The following ADAMTS14 variants were observed in gnomAD, a reference collection of about 807,000 sequenced individuals.
ADAMTS14 encodes the protein A disintegrin and metalloproteinase with thrombospondin motifs 14.
Under a neutral mutation model 128.6 loss-of-function variants are expected in ADAMTS14, and 100 were observed. The observed-to-expected ratio is 0.78, with a 90% CI of 0.66 to 0.92. ADAMTS14 has a LOEUF of 0.92. ADAMTS14 is among the 40% of genes least tolerant of loss of function. The pLI is 0.00. For missense variants in ADAMTS14, 1,562 were observed against 1,658.6 expected (o/e 0.94, Z 1.01); for synonymous variants, 665 against 653.8 (o/e 1.02, Z -0.26).
chr10:70,756,855 C>T (rs1324133141), intron 19 of ADAMTS14, among the ~76,000 whole-genome samples: 2 of 152,226 alleles, frequency 1.3e-5, no homozygotes, highest in African/African-American at 4.8e-5. Context: ...GGTCCCTCAA[C>T]TCTGATTTAG....
chr10:70,742,671 G>A (rs1466252820), intron 12 of ADAMTS14, among the ~76,000 whole-genome samples: 6 of 152,230 alleles, frequency 3.9e-5, no homozygotes, highest in African/African-American at 1.4e-4. Context: ...GGGGCTGGGA[G>A]GCCCGTGGGG....
At chr10:70,733,834 C>A in intron 7 of ADAMTS14, 51 bp from the exon 8 acceptor site, 5 of 1,565,718 alleles carry the variant, frequency 3.2e-6, no homozygotes, top group Non-Finnish European at 4.3e-6. Context: ...CCTGCCTTCC[C>A]GGGGCAGGCT....
intron 7 of ADAMTS14, among the ~76,000 whole-genome samples, chr10:70,732,578 G>A (rs937450547): frequency 2.0e-5 from 3 of 152,214 alleles, no homozygotes. Context: ...GTAGTAATTT[G>A]GGCCTGCCTT....
At chr10:70,681,632 G>A (rs568657415) in intron 2 of ADAMTS14, among the ~76,000 whole-genome samples, 1 of 152,160 alleles carries the variant, frequency 6.6e-6, no homozygotes. Context: ...TCCTTGCCCC[G>A]GGGGCTGCTC....
chr10:70,718,292 C>G (rs1336688792), intron 4 of ADAMTS14, among the ~76,000 whole-genome samples: 3 of 152,060 alleles, frequency 2.0e-5, no homozygotes, highest in African/African-American at 7.2e-5. Context: ...TATGTCTCTT[C>G]CCCAAAACTG....
At chr10:70,732,562 G>T (rs1354660417) in intron 7 of ADAMTS14, among the ~76,000 whole-genome samples, 1 of 152,238 alleles carries the variant, frequency 6.6e-6, no homozygotes, top group African/African-American at 2.4e-5. Context: ...GAGCCAAGGG[G>T]CATGAGTAGT....
chr10:70,706,319 C>T (rs58433219), intron 3 of ADAMTS14, among the ~76,000 whole-genome samples: 6,896 of 152,288 alleles, frequency 0.045, 168 homozygotes, highest in East Asian at 0.083. Context: ...TGACCTAGGG[C>T]GAGTGGGGTA....
intron 5 of ADAMTS14, 72 bp downstream of exon 5, chr10:70,729,449 GGT>G (rs933808086): frequency 2.4e-6 from 3 of 1,270,120 alleles, no homozygotes. Flanking sequence ...GACCAGCAAT[GGT>G]GTGGGCTGCA....
Position 70,672,786 on chromosome 10 carries a change from C to G in ADAMTS14, c.-17C>G, listed in dbSNP as rs1839519448. On this transcript the variant is annotated 5_prime_UTR_variant, in exon 1 of 22. Transcript: ENST00000373207. ...GGGGATCGGGCGCTTGCCCAGCCCG[C>G]GTCCCAGCGCGGCCACATGGCTCCA... 6.7e-7 allele frequency: 1 copy of G among 1,498,102 alleles called. No individual in the cohort carries two copies. The highest frequency in any genetic ancestry group is 2.2e-5 in the Admixed American group (1 of 45,510). 92.8% of individuals were successfully genotyped at this position (1,498,102 alleles called of 1,614,324 possible).
chr10:70,729,343 C>A lies in ADAMTS14; in HGVS notation c.920C>A (p.Ala307Asp). 6.2e-7 allele frequency: 1 copy of A among 1,613,790 alleles called. No homozygotes were observed. The highest frequency in any genetic ancestry group is 8.5e-7 in the Non-Finnish European group (1 of 1,179,938). The change falls in exon 5 of 22, where the codon GCC becomes GAC. Residue 307 changes from alanine to aspartate, a missense_variant. Ala to Asp is a moderately radical substitution (Grantham distance 126). Transcript: ENST00000373207. ...DESLGVHINIALVRLIMVGYR... is the reference protein window; with the variant it reads ...DESLGVHINIDLVRLIMVGYR... ...TCCCTGGGGGTTCATATAAATATTG[C>A]CCTCGTCCGCTTGATCATGGTTGGC...
At chr10:70,698,247 T>C (rs1361651381) in intron 2 of ADAMTS14, among the ~76,000 whole-genome samples, 2 of 152,270 alleles carry the variant, frequency 1.3e-5, no homozygotes, top group African/African-American at 4.8e-5. Flanking sequence ...TTCTTGATTT[T>C]TTTATACAGA....
chr10:70,679,499 G>A (rs1034311343), intron 2 of ADAMTS14, among the ~76,000 whole-genome samples: 3 of 152,190 alleles, frequency 2.0e-5, no homozygotes, highest in Non-Finnish European at 4.4e-5. Flanking sequence ...GTTGTGGCGT[G>A]CAAGGTTGGG....
chr10:70,712,831 G>T (rs1366209791), intron 4 of ADAMTS14, among the ~76,000 whole-genome samples: 1 of 152,122 alleles, frequency 6.6e-6, no homozygotes, highest in Non-Finnish European at 1.5e-5. Context: ...CTGATGACTT[G>T]TCCTCCTTAA....
At chr10:70,684,799 C>T (rs1244936707) in intron 2 of ADAMTS14, among the ~76,000 whole-genome samples, 2 of 152,222 alleles carry the variant, frequency 1.3e-5, no homozygotes, top group Admixed American at 1.3e-4. Context: ...CCAGAGGCCC[C>T]CTCCTGTCTG....
chr10:70,729,759 G>A (rs1409228876), intron 5 of ADAMTS14, among the ~76,000 whole-genome samples: 1 of 152,170 alleles, frequency 6.6e-6, no homozygotes, highest in South Asian at 2.1e-4. Context: ...AAACTTTCCT[G>A]TAAGGGCTAT....
chr10:70,740,393 A>G (rs1234995622), intron 11 of ADAMTS14, among the ~76,000 whole-genome samples: 1 of 152,228 alleles, frequency 6.6e-6, no homozygotes, highest in African/African-American at 2.4e-5. Flanking sequence ...TTCTTCACAG[A>G]CACACCAGGA....
intron 15 of ADAMTS14, among the ~76,000 whole-genome samples, chr10:70,747,017 AC>A (rs1842199293): frequency 6.6e-6 from 1 of 152,152 alleles, no homozygotes; most frequent in South Asian, 2.1e-4. Context: ...AAATGGAAAA[AC>A]AAAACACATA....
chr10:70,681,914 T>C (rs1376322794), intron 2 of ADAMTS14, among the ~76,000 whole-genome samples: 1 of 152,232 alleles, frequency 6.6e-6, no homozygotes, highest in Non-Finnish European at 1.5e-5. Flanking sequence ...CTTGCTGCCT[T>C]GCTGACCTGC....
rs559912946 is a variant in ADAMTS14, at chr10:70,752,005, A to G, written c.2597-90A>G. 18 of 1,520,092 alleles carry G rather than the reference A, an allele frequency of 1.2e-5. No homozygotes were observed. In the South Asian group the frequency reaches 2.4e-4, roughly 20 times the overall value. The allele number at this position is 1,520,092 out of a possible 1,614,324, so 94.2% of individuals were successfully genotyped here. A position where few individuals can be genotyped will look rare whatever the true frequency, so the allele number is the denominator to read the frequency against. Reference sequence around the variant, plus strand: ...CAGAGGGAGGTGGGATTGGCCCACAAGGCTCTCCACAGGTACTGCCCCTGA... The same window carrying G: ...CAGAGGGAGGTGGGATTGGCCCACAGGGCTCTCCACAGGTACTGCCCCTGA... On this transcript the variant is annotated intron_variant, in intron 17 of 21. Transcript: ENST00000373207.
Sources: gnomAD v4.1 joint callset for allele counts (sites outside exome capture counted in the v4.1 genomes callset) on GRCh38, gnomAD v4.1.1 for gene constraint, MANE v1.5 for transcripts, NCBI Gene and HGNC (gene_info 2026-07-23, HGNC 2026-07-21) for gene names.